MAX: variants seen among roughly 807,000 people sequenced by gnomAD.
MAX encodes MYC associated transcriptional regulator X, also known as protein max.
In MAX, 3 loss-of-function variants were observed where a neutral mutation model predicts 22.3. The ratio of observed to expected loss-of-function variants is 0.13; its 90% CI spans 0.06 to 0.35. The LOEUF is 0.35. Ranked by LOEUF, MAX falls within the 10% of genes least tolerant of loss-of-function variation. The probability of loss-of-function intolerance (pLI) is 1.00; values close to 1 mark genes in which losing one functional copy is unlikely to be tolerated. For missense variants in MAX, 119 were observed against 209.4 expected (o/e 0.57, Z 2.66); for synonymous variants, 72 against 77.7 (o/e 0.93, Z 0.39).
chr14:65,025,094 T>TC lies in MAX; in HGVS notation c.172-18811dup, dbSNP rs1305425299. On this transcript the variant is annotated intron_variant, in intron 3 of 3. Coordinates refer to the MAX transcript ENST00000341653. ...CAGAATGTTCTGTAATACGGAAGTG[T>TC]CTGAGATCAAGAGAAGCCCAACCTC... Among the ~76,000 whole-genome samples the TC allele has an allele frequency of 9.2e-5, 14 of 152,286 alleles. No homozygotes were observed. The South Asian group carries it at 1.7e-3, about 18-fold the overall frequency.
intron 3 of MAX, among the ~76,000 whole-genome samples, chr14:65,013,823 C>T (rs779767579): frequency 6.6e-6 from 1 of 152,252 alleles, no homozygotes; most frequent in Non-Finnish European, 1.5e-5. Flanking sequence ...TCTGGGGTTA[C>T]AGGCGTGAGC....
intron 3 of MAX, among the ~76,000 whole-genome samples, chr14:65,017,472 C>T (rs1469087944): frequency 6.6e-6 from 1 of 152,032 alleles, no homozygotes; most frequent in African/African-American, 2.4e-5. Context: ...TGGAAGAACT[C>T]GAGCCAAAAT....
chr14:65,016,322 C>T (rs976335972), intron 3 of MAX, among the ~76,000 whole-genome samples: 2 of 152,196 alleles, frequency 1.3e-5, no homozygotes, highest in African/African-American at 2.4e-5. Context: ...CATTCCCAGA[C>T]ACTCATCACC....
At position 65,084,384 on chromosome 14, in the gene MAX, G is replaced by A; in HGVS notation, c.172-6348C>T. Reference sequence around the variant, plus strand: ...TTACTAACTTTTGTTTACTGAATTAGTTACCCTCTTCCAAAAAAAAAAATT... The same window carrying A: ...TTACTAACTTTTGTTTACTGAATTAATTACCCTCTTCCAAAAAAAAAAATT... On this transcript the variant is annotated intron_variant, in intron 3 of 4. Coordinates refer to ENST00000358664, the MANE Select transcript of MAX (RefSeq NM_002382.5). This position sits in a 1 kb window ranked among gnomAD's most constrained non-coding sequence, Gnocchi z 4.3. The A allele has an allele frequency of 1.2e-6, 1 of 858,678 alleles. No homozygotes were observed. The highest frequency in any genetic ancestry group is 1.7e-5 in the African/African-American group (1 of 58,652). 53.2% of individuals were successfully genotyped at this position (858,678 alleles called of 1,614,324 possible).
rs1176118785 is a variant in MAX at position 65,076,546 on chromosome 14, G to A, written c.413C>T (p.Ser138Leu). The part of the protein sequence containing the change: ...GSTISAFDGG[S>L]DSSSESEPEE... ...AGGCTCAGACTCCGAGCTGGAGTCC[G>A]AGCCCCCATCGAAGGCAGAGATGGT... is the stretch of plus-strand genomic sequence containing the variant. The change falls in exon 5 of 5, where the codon TCG (serine) becomes TTG (leucine). Residue 138 changes from serine (S) to leucine (L), a missense_variant. Around this residue, in one of 3 missense-constraint regions of MAX, gnomAD observed 95 missense variants for 148.1 expected, o/e 0.64. Coordinates refer to ENST00000358664, the MANE Select transcript of MAX (RefSeq NM_002382.5). This position sits in a 1 kb window ranked among gnomAD's most constrained non-coding sequence, Gnocchi z 6.6. 3.7e-6 allele frequency: 6 copies of A among 1,614,072 alleles called. No individual in the cohort carries two copies. The highest frequency in any genetic ancestry group is 1.1e-5 in the South Asian group (1 of 91,078).
chr14:65,023,375 C>G lies in MAX; in HGVS notation c.172-17091G>C, dbSNP rs946183753. On this transcript the variant is annotated intron_variant, in intron 3 of 3. Coordinates refer to the MAX transcript ENST00000341653. This position sits in a 1 kb window ranked among gnomAD's most constrained non-coding sequence, Gnocchi z 4.1. The stretch of plus-strand genomic sequence containing the variant: ...CTGGCCAGAATCAATCACTTTAGAT[C>G]AGTCCTCAGCCATCACCTAAGAGTC... Among the ~76,000 whole-genome samples, 1 of 152,132 alleles carries G rather than the reference C, an allele frequency of 6.6e-6. No homozygotes were observed. The highest frequency in any genetic ancestry group is 1.5e-5 in the Non-Finnish European group (1 of 68,028).
intron 3 of MAX, among the ~76,000 whole-genome samples, chr14:65,068,804 C>G (rs1307289639): frequency 6.6e-6 from 1 of 152,142 alleles, no homozygotes; most frequent in African/African-American, 2.4e-5. Flanking sequence ...GTATACTATT[C>G]TCTCAACCCT....
rs1033975363 is a variant in MAX at position 65,093,322 on chromosome 14, A to G, written c.171+386T>C. Among the ~76,000 whole-genome samples, 4 of 152,216 alleles carry G rather than the reference A, an allele frequency of 2.6e-5. No individual in the cohort carries two copies. Among genetic ancestry groups the G allele is most frequent in the Admixed American group, 2.0e-4 (3 of 15,284 alleles). On this transcript the variant is annotated intron_variant, in intron 3 of 4. Coordinates refer to ENST00000358664, the MANE Select transcript of MAX (RefSeq NM_002382.5). The surrounding 1 kb of genome is among the most constrained non-coding windows in gnomAD (Gnocchi z 4.4). ...CATTTACAATAAAGTATTAACTTTG[A>G]ACCATAGGAAAGGAATTCTCATGGA...
At chr14:65,102,636 G>A, upstream of MAX, 1 of 1,152,218 alleles carries the variant, frequency 8.7e-7, no homozygotes, top group South Asian at 3.5e-5. Flanking sequence ...GGCCCGGGTA[G>A]CTCCAGAAAA....
intron 3 of MAX, among the ~76,000 whole-genome samples, chr14:65,034,641 G>A (rs1333860362): frequency 6.6e-6 from 1 of 152,032 alleles, no homozygotes; most frequent in Non-Finnish European, 1.5e-5. Flanking sequence ...GCCTGTGTTT[G>A]GTTCTCTTTT....
chr14:65,097,338 A>G (rs1379636662), intron 2 of MAX, among the ~76,000 whole-genome samples: 2 of 152,218 alleles, frequency 1.3e-5, no homozygotes, highest in Non-Finnish European at 2.9e-5. Flanking sequence ...TTTCCTTCCA[A>G]CTTACTGCAG....
chr14:65,012,134 A>T lies in MAX; in HGVS notation c.172-5850T>A. On this transcript the variant is annotated intron_variant, in intron 3 of 3. Transcript: ENST00000341653. This position sits in a 1 kb window ranked among gnomAD's most constrained non-coding sequence, Gnocchi z 5.0. ...CAGATGCTTTAGAGACATTCAGACA[A>T]GAGCTTCTTTTCTCTGGTTTAGTTG... The T allele has an allele frequency of 1.6e-6, 1 of 621,940 alleles. No individual in the cohort carries two copies. The highest frequency in any genetic ancestry group is 2.0e-5 in the South Asian group (1 of 50,826). 38.5% of individuals were successfully genotyped at this position (621,940 alleles called of 1,614,324 possible).
At chr14:65,083,881 T>A (rs559152056) in intron 3 of MAX, 2 of 1,252,342 alleles carry the variant, frequency 1.6e-6, no homozygotes, top group South Asian at 3.6e-5. Flanking sequence ...TACATTTCCA[T>A]GTGAATAAGC....
Position 65,077,106 on chromosome 14 carries a change from G to A in MAX, c.296-443C>T. Reference sequence around the variant, plus strand: ...AGAACAGTTTTGGCTTAGCTCTCGTGTACAAGATCCACTTGGAATGACAAG... The same window carrying A: ...AGAACAGTTTTGGCTTAGCTCTCGTATACAAGATCCACTTGGAATGACAAG... On this transcript the variant is annotated intron_variant, in intron 4 of 4. Transcript: ENST00000358664. This position sits in a 1 kb window ranked among gnomAD's most constrained non-coding sequence, Gnocchi z 6.3. 2 of 591,658 alleles carry A rather than the reference G, an allele frequency of 3.4e-6. No individual in the cohort carries two copies. Among genetic ancestry groups the A allele is most frequent in the Non-Finnish European group, 6.0e-6 (2 of 335,528 alleles). 36.7% of individuals were successfully genotyped at this position (591,658 alleles called of 1,614,324 possible).
At chr14:65,042,992 G>T (rs1330208304) in intron 3 of MAX, among the ~76,000 whole-genome samples, 1 of 152,190 alleles carries the variant, frequency 6.6e-6, no homozygotes, top group East Asian at 1.9e-4. Context: ...GCCTTGAAGA[G>T]GGAATAATCT....
Position 65,076,795 on chromosome 14 carries a change from G to T in MAX, c.296-132C>A. 9.8e-7 allele frequency: 1 copy of T among 1,020,538 alleles called. No individual in the cohort carries two copies. Among genetic ancestry groups the T allele is most frequent in the Non-Finnish European group, 1.5e-6 (1 of 654,104 alleles). 63.2% of individuals were successfully genotyped at this position (1,020,538 alleles called of 1,614,324 possible). ...CCCCCGAGGCTCAAGATGCTCAGAA[G>T]TAGCTCCCTTCGGGTGGCTGTTCAC... On this transcript the variant is annotated intron_variant, in intron 4 of 4. Coordinates refer to ENST00000358664, the MANE Select transcript of MAX (RefSeq NM_002382.5). The surrounding 1 kb of genome is among the most constrained non-coding windows in gnomAD (Gnocchi z 6.6).
rs1341080388 is a variant in MAX at position 65,027,704 on chromosome 14, G to T, written c.172-21420C>A. 1 of 1,614,076 alleles carries T rather than the reference G, an allele frequency of 6.2e-7. No homozygotes were observed. The highest frequency in any genetic ancestry group is 8.5e-7 in the Non-Finnish European group (1 of 1,180,044). On this transcript the variant is annotated intron_variant, in intron 3 of 3. Transcript: ENST00000341653. This position sits in a 1 kb window ranked among gnomAD's most constrained non-coding sequence, Gnocchi z 5.7. ...CTCTTTCCCTGTTTCTCAGAGAGAA[G>T]CTTCTTCAGTATTTGTACTCCCTGA...
At chr14:65,039,505 C>T (rs888610459) in intron 3 of MAX, among the ~76,000 whole-genome samples, 16 of 152,196 alleles carry the variant, frequency 1.1e-4, no homozygotes, top group Non-Finnish European at 2.1e-4. Context: ...TTGGTTCAGA[C>T]GCATTCCACT....
At chr14:65,091,209 A>G (rs752246646) in intron 3 of MAX, among the ~76,000 whole-genome samples, 2 of 152,162 alleles carry the variant, frequency 1.3e-5, no homozygotes, top group African/African-American at 2.4e-5. Flanking sequence ...TTCAAATACC[A>G]CACTTAAAAA....
Sources: allele counts gnomAD v4.1 joint callset (sites outside exome capture counted in the v4.1 genomes callset), GRCh38; gene constraint gnomAD v4.1.1; regional missense constraint gnomAD v4.1.1; non-coding constraint Gnocchi (gnomAD v3.1); transcripts MANE v1.5; gene names NCBI Gene and HGNC (gene_info 2026-07-23, HGNC 2026-07-21).